The following LAMC3 variants were observed in gnomAD, a reference collection of about 807,000 sequenced individuals.
LAMC3 encodes laminin subunit gamma-3.
Under a neutral mutation model 173.8 loss-of-function variants are expected in LAMC3, and 128 were observed. That is an observed-to-expected ratio of 0.74 (90% CI 0.64 to 0.85). The LOEUF (loss-of-function observed/expected upper bound fraction) is 0.85. Among genes scored for constraint, LAMC3 ranks in the 40% least tolerant of loss-of-function variants. The pLI is 0.00. For synonymous variants in LAMC3, 897 were observed against 909.1 expected (o/e 0.99, Z 0.24); for missense variants, 2,022 against 2,156.0 (o/e 0.94, Z 1.23).
chr9:131,077,050 T>C (rs910643129), intron 21 of LAMC3, 137 bp from the exon 22 acceptor site: 27 of 1,162,132 alleles, frequency 2.3e-5, no homozygotes, highest in Non-Finnish European at 3.3e-5. Context: ...GAGGCAGCTG[T>C]ACCTACCCCG....
At chr9:131,081,149 G>C (rs897333170) in intron 23 of LAMC3, among the ~76,000 whole-genome samples, 3 of 152,186 alleles carry the variant, frequency 2.0e-5, no homozygotes, top group African/African-American at 7.2e-5. Flanking sequence ...ATGGAATCGT[G>C]TAATATGTGC....
chr9:131,059,309 G>A (rs1395583400), intron 12 of LAMC3, among the ~76,000 whole-genome samples: 2 of 151,612 alleles, frequency 1.3e-5, no homozygotes, highest in Non-Finnish European at 2.9e-5. Flanking sequence ...TGGCTAACAC[G>A]GTGAAACCCC....
At chr9:131,068,673 T>A (rs1829985429) in intron 15 of LAMC3, among the ~76,000 whole-genome samples, 1 of 152,140 alleles carries the variant, frequency 6.6e-6, no homozygotes, top group Non-Finnish European at 1.5e-5. Context: ...GGGTATAGTC[T>A]CCCCGAGACA....
intron 3 of LAMC3, among the ~76,000 whole-genome samples, chr9:131,032,534 GTCTCTCTCTCTTGCTCTCTCTCGCTC>G (rs1363281529): frequency 5.1e-5 from 3 of 58,936 alleles, no homozygotes; most frequent in East Asian, 5.1e-4. Flanking sequence ...CTCTCTCGCT[GTCTCTCTCTCTTGCTCTCTCTCGCTC>G]TCTCTCTTGC....
intron 2 of LAMC3, among the ~76,000 whole-genome samples, chr9:131,031,664 T>A (rs1833826654): frequency 6.6e-6 from 1 of 152,206 alleles, no homozygotes; most frequent in African/African-American, 2.4e-5. Context: ...TTCAGTGGGC[T>A]GCTTTGACCC....
At chr9:131,085,950 C>G (rs1830324984) in intron 25 of LAMC3, 2 of 607,388 alleles carry the variant, frequency 3.3e-6, no homozygotes, top group African/African-American at 3.6e-5. Flanking sequence ...GTGCAGCCAG[C>G]TTCATGAACT....
chr9:131,062,290 G>A (rs1829843114), intron 13 of LAMC3, among the ~76,000 whole-genome samples: 1 of 152,114 alleles, frequency 6.6e-6, no homozygotes, highest in Admixed American at 6.6e-5. Flanking sequence ...GAACCCAGGA[G>A]GCGGAGGTTG....
intron 7 of LAMC3, 100 bp from the exon 8 acceptor site, chr9:131,045,424 G>A (rs1834136405): frequency 1.5e-6 from 2 of 1,377,418 alleles, no homozygotes; most frequent in Admixed American, 3.4e-5. Context: ...AGTTTCTGCA[G>A]TGATTCTAGA....
rs557181115 is a variant in LAMC3 at position 131,069,201 on chromosome 9, T to C, written c.2890+151T>C. 5 of 908,530 alleles carry C rather than the reference T, an allele frequency of 5.5e-6. No individual in the cohort carries two copies. The African/African-American group carries it at 6.6e-5, about 12-fold the overall frequency. 56.3% of individuals were successfully genotyped at this position (908,530 alleles called of 1,614,324 possible). ...GAGCAGCCGGAAGCATGGAGCGAGT[T>C]GCTCCCGTGGCAGTGGCCGGGACAG... On this transcript the variant is annotated intron_variant, in intron 16 of 27. Transcript: ENST00000361069.
chr9:131,009,389 G>T lies in LAMC3; in HGVS notation c.175G>T (p.Glu59Ter). ...CTCGCACACGTGCGGCAGCCCGCCC[G>T]AGGACTTCTGTCCCCACGTGGGCGC... ...QASHTCGSPP[E>*]DFCPHVGAAG... Residue 59 changes from glutamate to a stop codon, truncating the protein, a stop_gained, in exon 1 of 28, where the codon GAG becomes TAG. Transcript: ENST00000361069. LOFTEE classifies it high-confidence loss of function. This position sits in a 1 kb window ranked among gnomAD's most constrained non-coding sequence, Gnocchi z 4.3. 1 of 1,531,846 alleles carries T rather than the reference G, an allele frequency of 6.5e-7. No homozygotes were observed. The allele number at this position is 1,531,846 out of a possible 1,614,324, so 94.9% of individuals were successfully genotyped here.
intron 3 of LAMC3, among the ~76,000 whole-genome samples, chr9:131,035,512 T>C (rs1833926954): frequency 6.6e-6 from 1 of 151,470 alleles, no homozygotes; most frequent in Non-Finnish European, 1.5e-5. Flanking sequence ...CGGGGGAGGG[T>C]GCTAAACCAT....
At chr9:131,032,238 G>A in intron 3 of LAMC3, 63 bp downstream of exon 3, 1 of 525,382 alleles carries the variant, frequency 1.9e-6, no homozygotes, top group Non-Finnish European at 3.7e-6. Flanking sequence ...AGCGGAAGGT[G>A]GCTGCTGTGG....
rs146849909 is a variant in LAMC3 at position 131,041,727 on chromosome 9, A to G, written c.1374A>G (p.Leu458=). ...CPCKENVEGN[L]CDRCRPGTFN... ...GCAAAGAGAATGTGGAAGGCAACCTATGTGACAGGTTTGTGAGCTAATCCA... is the reference window on the plus strand; with the variant it reads ...GCAAAGAGAATGTGGAAGGCAACCTGTGTGACAGGTTTGTGAGCTAATCCA... Residue 458 remains leucine, a synonymous_variant, in exon 7 of 28, where the codon CTA becomes CTG. Coordinates refer to ENST00000361069, the MANE Select transcript of LAMC3 (RefSeq NM_006059.4). 9 of 1,613,314 alleles carry G rather than the reference A, an allele frequency of 5.6e-6. No individual in the cohort carries two copies. In the African/African-American group the frequency reaches 8.0e-5, roughly 14 times the overall value.
At chr9:131,033,455 A>T (rs1457462823) in intron 3 of LAMC3, among the ~76,000 whole-genome samples, 2 of 151,346 alleles carry the variant, frequency 1.3e-5, no homozygotes, top group Non-Finnish European at 2.9e-5. Flanking sequence ...GGGACCCAAG[A>T]GTGGGAAGGC....
Position 131,071,644 on chromosome 9 carries a change from G to C in LAMC3, c.3211+19G>C. Reference sequence around the variant, plus strand: ...CTTCCAGGTACAGCAGGAGCGCAGAGCGGGAGGGTGGGAGGCAAGGGGAGG... The same window carrying C: ...CTTCCAGGTACAGCAGGAGCGCAGACCGGGAGGGTGGGAGGCAAGGGGAGG... On this transcript the variant is annotated intron_variant, in intron 18 of 27. Transcript: ENST00000361069. The C allele has an allele frequency of 6.5e-7, 1 of 1,539,204 alleles. No individual in the cohort carries two copies. Among genetic ancestry groups the C allele is most frequent in the Non-Finnish European group, 8.8e-7 (1 of 1,140,058 alleles).
At chr9:131,039,073 C>T (rs989013475) in intron 5 of LAMC3, 21 bp downstream of exon 5, 5 of 1,612,574 alleles carry the variant, frequency 3.1e-6, no homozygotes, top group Non-Finnish European at 4.2e-6. Context: ...TCCACATCCC[C>T]AGCCTCCGAC....
chr9:131,073,203 C>G (rs757261317), intron 19 of LAMC3, 42 bp from the exon 20 acceptor site: 1 of 1,458,458 alleles, frequency 6.9e-7, no homozygotes, highest in Non-Finnish European at 9.6e-7. Context: ...TACCCTTTGG[C>G]GATGGGCCAT....
chr9:131,088,700 C>T (rs1337176556), intron 27 of LAMC3, among the ~76,000 whole-genome samples: 1 of 152,202 alleles, frequency 6.6e-6, no homozygotes, highest in African/African-American at 2.4e-5. Flanking sequence ...TCATCTCCAA[C>T]TGAAGCTCTG....
intron 19 of LAMC3, 131 bp from the exon 20 acceptor site, chr9:131,073,114 T>C (rs1300678573): frequency 2.6e-6 from 2 of 775,926 alleles, no homozygotes; most frequent in East Asian, 5.1e-5. Context: ...TGAATGCCGA[T>C]GTTGTGGCCA....
Sources: allele counts gnomAD v4.1 joint callset (sites outside exome capture counted in the v4.1 genomes callset), GRCh38; gene constraint gnomAD v4.1.1; non-coding constraint Gnocchi (gnomAD v3.1); transcripts MANE v1.5; gene names NCBI Gene and HGNC (gene_info 2026-07-23, HGNC 2026-07-21).